The following SOX5 variants were observed in gnomAD, a reference collection of about 807,000 sequenced individuals.
SOX5 encodes SRY-box transcription factor 5.
In SOX5, 9 loss-of-function variants were observed where a neutral mutation model predicts 92.0. The observed-to-expected ratio is 0.10, with a 90% CI of 0.06 to 0.17. SOX5 has a LOEUF of 0.17. Ranked by LOEUF, SOX5 falls within the 10% of genes least tolerant of loss-of-function variation. The pLI is 1.00. For missense variants in SOX5, 642 were observed against 944.5 expected, an observed-to-expected ratio of 0.68 and a Z score of 4.20; for synonymous variants, 344 against 336.3, an observed-to-expected ratio of 1.02 and a Z score of -0.25.
chr12:24,157,323 T>C (rs1215186851), intron 4 of SOX5, among the ~76,000 whole-genome samples: 1 of 152,140 alleles, frequency 6.6e-6, no homozygotes, highest in African/African-American at 2.4e-5. Flanking sequence ...CACACTTAAA[T>C]ACTGCACTAA....
chr12:24,436,403 G>T (rs1736918042), intron 1 of SOX5, among the ~76,000 whole-genome samples: 1 of 152,120 alleles, frequency 6.6e-6, no homozygotes, highest in African/African-American at 2.4e-5. Context: ...AGTTTGAGTG[G>T]TCCGGATAAA....
At chr12:23,997,892 C>T (rs1447305410) in intron 4 of SOX5, among the ~76,000 whole-genome samples, 1 of 152,092 alleles carries the variant, frequency 6.6e-6, no homozygotes, top group Non-Finnish European at 1.5e-5. Flanking sequence ...CATAGAATTT[C>T]CAAAATTAGT....
chr12:24,300,289 A>G (rs561729030), intron 2 of SOX5, among the ~76,000 whole-genome samples: 7 of 152,344 alleles, frequency 4.6e-5, no homozygotes, highest in Admixed American at 2.0e-4. Context: ...GAATTAAAGT[A>G]TACTGGAATT....
intron 1 of SOX5, among the ~76,000 whole-genome samples, chr12:24,424,915 G>T (rs1007157548): frequency 6.6e-6 from 1 of 151,018 alleles, no homozygotes; most frequent in South Asian, 2.1e-4. Context: ...CCATCTGCCT[G>T]CCATAGGTTT....
At chr12:23,999,605 A>G (rs1308373271) in intron 4 of SOX5, among the ~76,000 whole-genome samples, 12 of 152,132 alleles carry the variant, frequency 7.9e-5, no homozygotes, top group Non-Finnish European at 8.8e-5. Context: ...ATACCTCAGT[A>G]AAGCTTAACA....
intron 3 of SOX5, among the ~76,000 whole-genome samples, chr12:23,769,402 T>C (rs1000854518): frequency 6.6e-6 from 1 of 151,988 alleles, no homozygotes; most frequent in Non-Finnish European, 1.5e-5. Flanking sequence ...TATTTCACAC[T>C]ATTTGAATTA....
At chr12:23,895,541 T>A (rs2097168554) in intron 2 of SOX5, among the ~76,000 whole-genome samples, 1 of 152,182 alleles carries the variant, frequency 6.6e-6, no homozygotes, top group Non-Finnish European at 1.5e-5. Context: ...ATTTTGTATA[T>A]TTTTTCCCCT....
chr12:24,011,452 T>G (rs549520956), intron 4 of SOX5, among the ~76,000 whole-genome samples: 1 of 152,366 alleles, frequency 6.6e-6, no homozygotes, highest in Non-Finnish European at 1.5e-5. Context: ...TATATTTTCT[T>G]TCCTAATTCT....
In SOX5 at chr12:23,979,702, T is replaced by TG. The variant is rs1201858621; in HGVS notation, c.-1-83679_-1-83678insC. On this transcript the variant is annotated intron_variant, in intron 4 of 4. Coordinates refer to the SOX5 transcript ENST00000446891. ...TCCTTCCATATATATATATATGTTT[T>TG]TTTTGTTTTTTTTTTTTTTTTTTTT... Among the ~76,000 whole-genome samples, 176 of 78,684 alleles carry TG rather than the reference T, an allele frequency of 2.2e-3. 2 individuals are homozygous for TG. The highest frequency in any genetic ancestry group is 8.2e-3 in the African/African-American group (169 of 20,520). 51.6% of individuals were successfully genotyped at this position (78,684 alleles called of 152,430 possible). A position where few individuals can be genotyped will look rare whatever the true frequency, so the allele number is the denominator to read the frequency against.
intron 3 of SOX5, among the ~76,000 whole-genome samples, chr12:24,228,366 T>C (rs1962559515): frequency 6.6e-6 from 1 of 152,246 alleles, no homozygotes; most frequent in Non-Finnish European, 1.5e-5. Context: ...TTAAAATTCA[T>C]GTTCATGGGG....
At chr12:24,298,141 T>G (rs1007426408) in intron 2 of SOX5, among the ~76,000 whole-genome samples, 8 of 152,262 alleles carry the variant, frequency 5.3e-5, no homozygotes, top group Non-Finnish European at 8.8e-5. Context: ...GGCATAGTCT[T>G]GGCTCATAGC....
chr12:24,487,750 T>C (rs1179123492), intron 1 of SOX5, among the ~76,000 whole-genome samples: 1 of 152,086 alleles, frequency 6.6e-6, no homozygotes, highest in Non-Finnish European at 1.5e-5. Context: ...TTCAAAGAGG[T>C]TGTCATCACC....
intron 1 of SOX5, among the ~76,000 whole-genome samples, chr12:24,487,697 T>C (rs1249462340): frequency 6.6e-6 from 1 of 152,210 alleles, no homozygotes; most frequent in South Asian, 2.1e-4. Flanking sequence ...TTTGGAGATA[T>C]TTCTCCCAAG....
chr12:23,929,754 A>C (rs79970680), intron 1 of SOX5, among the ~76,000 whole-genome samples: 1,881 of 152,052 alleles, frequency 0.012, 41 homozygotes, highest in African/African-American at 0.042. Flanking sequence ...CTGTGAAAAC[A>C]ATTTTTAGAA....
intron 2 of SOX5, among the ~76,000 whole-genome samples, chr12:23,859,981 T>C (rs1464865337): frequency 6.6e-6 from 1 of 151,952 alleles, no homozygotes; most frequent in African/African-American, 2.4e-5. Flanking sequence ...AAGAATGAGG[T>C]CATGTCTTTT....
chr12:23,568,112 G>T (rs1427635091), intron 10 of SOX5, among the ~76,000 whole-genome samples: 1 of 152,124 alleles, frequency 6.6e-6, no homozygotes, highest in Non-Finnish European at 1.5e-5. Context: ...CCTGAAATTA[G>T]GCTGGGCCAT....
At chr12:24,226,292 T>C (rs961070541) in intron 3 of SOX5, among the ~76,000 whole-genome samples, 4 of 152,204 alleles carry the variant, frequency 2.6e-5, no homozygotes, top group Non-Finnish European at 5.9e-5. Flanking sequence ...GGCTTATACT[T>C]CCTGTATTAT....
chr12:24,454,327 AG>A (rs1288066899), intron 1 of SOX5, among the ~76,000 whole-genome samples: 1 of 152,238 alleles, frequency 6.6e-6, no homozygotes, highest in Admixed American at 6.5e-5. Context: ...TTAATAAAAC[AG>A]GTTAAACTAC....
chr12:23,762,502 T>C (rs1460658294), intron 3 of SOX5: 2 of 444,180 alleles, frequency 4.5e-6, no homozygotes, highest in Non-Finnish European at 8.0e-6. Flanking sequence ...TTTATTTTTA[T>C]ATGTGATTGT....
Sources: allele counts gnomAD v4.1 joint callset (sites outside exome capture counted in the v4.1 genomes callset), GRCh38; gene constraint gnomAD v4.1.1; transcripts MANE v1.5; gene names NCBI Gene and HGNC (gene_info 2026-07-23, HGNC 2026-07-21).